The following GULP1 variants were observed in gnomAD, a reference collection of about 807,000 sequenced individuals.
GULP1 encodes GULP PTB domain containing engulfment adaptor 1, also known as PTB domain-containing engulfment adapter protein 1.
A neutral mutation model predicts 40.9 loss-of-function variants in GULP1; 19 were observed. The observed-to-expected ratio is 0.46, with a 90% confidence interval of 0.32 to 0.68. The LOEUF (loss-of-function observed/expected upper bound fraction) is 0.68. Among genes scored for constraint, GULP1 ranks in the 30% least tolerant of loss-of-function variants. The probability of loss-of-function intolerance (pLI) is 0.03; values close to 1 mark genes in which losing one functional copy is unlikely to be tolerated. For missense variants in GULP1, 312 were observed against 362.2 expected, an observed-to-expected ratio of 0.86 and a Z score of 1.12; for synonymous variants, 119 against 117.6, an observed-to-expected ratio of 1.01 and a Z score of -0.08.
intron 6 of GULP1, among the ~76,000 whole-genome samples, chr2:188,533,923 C>T (rs1407368644): frequency 1.3e-5 from 2 of 152,070 alleles, no homozygotes; most frequent in African/African-American, 2.4e-5. Flanking sequence ...ATCAAAACCA[C>T]AATGAGATAC....
intron 1 of GULP1, among the ~76,000 whole-genome samples, chr2:188,354,500 G>A (rs138359485): frequency 6.6e-6 from 1 of 152,138 alleles, no homozygotes. Flanking sequence ...ACAGAGAGTG[G>A]ATCTGCACCT....
intron 2 of GULP1, among the ~76,000 whole-genome samples, chr2:188,390,233 C>G (rs959956779): frequency 3.3e-5 from 5 of 152,098 alleles, no homozygotes; most frequent in African/African-American, 9.7e-5. Context: ...ATTTACATTC[C>G]CATCAGCAGT....
At chr2:188,540,448 G>A (rs1158149748) in intron 6 of GULP1, among the ~76,000 whole-genome samples, 1 of 151,762 alleles carries the variant, frequency 6.6e-6, no homozygotes, top group African/African-American at 2.4e-5. Context: ...GTGTGTGTGT[G>A]TGTGTGCGTG....
intron 1 of GULP1, among the ~76,000 whole-genome samples, chr2:188,372,809 A>G (rs748004539): frequency 9.2e-5 from 14 of 152,022 alleles, no homozygotes; most frequent in Non-Finnish European, 1.5e-4. Context: ...ACTGAGCTCA[A>G]ATGAGATAAT....
At chr2:188,392,791 TATG>T (rs1382388560) in intron 2 of GULP1, among the ~76,000 whole-genome samples, 5 of 152,210 alleles carry the variant, frequency 3.3e-5, no homozygotes, top group East Asian at 1.9e-4. Context: ...ATGTCGCTAT[TATG>T]CTTCATTTCA....
intron 1 of GULP1, among the ~76,000 whole-genome samples, chr2:188,380,134 G>T (rs1260134677): frequency 6.6e-6 from 1 of 152,114 alleles, no homozygotes; most frequent in Non-Finnish European, 1.5e-5. Context: ...TAGGGGTATA[G>T]GTATGACTAT....
At chr2:188,561,604 G>C (rs1696294087) in intron 7 of GULP1, among the ~76,000 whole-genome samples, 1 of 152,180 alleles carries the variant, frequency 6.6e-6, no homozygotes, top group African/African-American at 2.4e-5. Context: ...GGGCAGGCTT[G>C]TGCTCAGATC....
intron 9 of GULP1, among the ~76,000 whole-genome samples, chr2:188,571,266 T>C (rs1698977468): frequency 6.6e-6 from 1 of 152,190 alleles, no homozygotes; most frequent in South Asian, 2.1e-4. Flanking sequence ...ATAAACTCAA[T>C]GAAAATGTTC....
intron 2 of GULP1, among the ~76,000 whole-genome samples, chr2:188,422,754 A>G (rs1039985892): frequency 3.3e-5 from 5 of 152,072 alleles, no homozygotes; most frequent in African/African-American, 1.2e-4. Context: ...TTAAACTACT[A>G]TGAAAGTACC....
chr2:188,567,096 A>G (rs927875928), intron 7 of GULP1, among the ~76,000 whole-genome samples: 16 of 152,164 alleles, frequency 1.1e-4, no homozygotes, highest in Admixed American at 8.5e-4. Context: ...ATCTCACACC[A>G]GTCAGAAGGG....
intron 2 of GULP1, among the ~76,000 whole-genome samples, chr2:188,476,392 G>C (rs1011511801): frequency 2.6e-5 from 4 of 152,144 alleles, no homozygotes; most frequent in African/African-American, 9.7e-5. Flanking sequence ...TGGGCAGAGA[G>C]TGGGGAAAGT....
intron 2 of GULP1, among the ~76,000 whole-genome samples, chr2:188,440,202 A>G (rs1056121023): frequency 6.6e-6 from 1 of 152,332 alleles, no homozygotes; most frequent in South Asian, 2.1e-4. Flanking sequence ...AAACAAATCT[A>G]TTGTTGGGAA....
intron 1 of GULP1, among the ~76,000 whole-genome samples, chr2:188,348,410 T>G (rs1258146213): frequency 1.3e-5 from 2 of 152,162 alleles, no homozygotes; most frequent in African/African-American, 2.4e-5. Flanking sequence ...CATCCAGTAA[T>G]TGCTGGAGTA....
At chr2:188,447,997 C>G (rs2058535492) in intron 2 of GULP1, among the ~76,000 whole-genome samples, 2 of 152,076 alleles carry the variant, frequency 1.3e-5, no homozygotes, top group South Asian at 4.1e-4. Flanking sequence ...CTGGTCAAAG[C>G]AAAAATCAGA....
At chr2:188,492,746 T>G (rs1003157065) in intron 4 of GULP1, among the ~76,000 whole-genome samples, 1 of 152,066 alleles carries the variant, frequency 6.6e-6, no homozygotes, top group Non-Finnish European at 1.5e-5. Context: ...GTTACCAAAT[T>G]TTTTATATAT....
At chr2:188,313,238 T>G (rs1300859002) in intron 1 of GULP1, among the ~76,000 whole-genome samples, 1 of 152,138 alleles carries the variant, frequency 6.6e-6, no homozygotes, top group African/African-American at 2.4e-5. Context: ...TCTCCTAGGG[T>G]TTTTATGGTT....
intron 4 of GULP1, among the ~76,000 whole-genome samples, chr2:188,505,387 C>T (rs143102449): frequency 1.4e-4 from 22 of 151,798 alleles, no homozygotes. Context: ...AAATCATCTA[C>T]AATCCCGAGT....
intron 2 of GULP1, among the ~76,000 whole-genome samples, chr2:188,462,196 C>G (rs1326252328): frequency 1.3e-5 from 2 of 152,086 alleles, no homozygotes; most frequent in Admixed American, 6.5e-5. Flanking sequence ...ATTGGTCATT[C>G]AGGAGCATAT....
At chr2:188,580,888 ATG>A (rs1701175413) in intron 9 of GULP1, among the ~76,000 whole-genome samples, 1 of 152,182 alleles carries the variant, frequency 6.6e-6, no homozygotes, top group Admixed American at 6.5e-5. Flanking sequence ...GATCTCTGAC[ATG>A]TGATTTGCGG....
Sources: gnomAD v4.1 joint callset for allele counts (sites outside exome capture counted in the v4.1 genomes callset) on GRCh38, gnomAD v4.1.1 for gene constraint, MANE v1.5 for transcripts, NCBI Gene and HGNC (gene_info 2026-07-23, HGNC 2026-07-21) for gene names.